ZNF438: variants seen among roughly 807,000 people sequenced by gnomAD.
The protein encoded by ZNF438 is zinc finger protein 438.
Under a neutral mutation model 38.0 loss-of-function variants are expected in ZNF438, and 25 were observed. The observed-to-expected ratio is 0.66, with a 90% CI of 0.48 to 0.92. The LOEUF is 0.92. Among genes scored for constraint, ZNF438 ranks in the 40% least tolerant of loss-of-function variants. The probability of loss-of-function intolerance (pLI) is 0.00; values close to 1 mark genes in which losing one functional copy is unlikely to be tolerated. For missense variants in ZNF438, 1,007 were observed against 999.6 expected (o/e 1.01, Z -0.10); for synonymous variants, 372 against 364.1 (o/e 1.02, Z -0.25).
At chr10:30,864,500 G>A (rs2036103217) in intron 4 of ZNF438, among the ~76,000 whole-genome samples, 1 of 152,156 alleles carries the variant, frequency 6.6e-6, no homozygotes, top group Non-Finnish European at 1.5e-5. Flanking sequence ...TTACCTTCAC[G>A]ATGATATTAC....
chr10:30,896,643 G>A (rs76712609), intron 3 of ZNF438, among the ~76,000 whole-genome samples: 8,516 of 152,064 alleles, frequency 0.056, 756 homozygotes, highest in African/African-American at 0.19. Flanking sequence ...GTTTCTGGGG[G>A]ATATGGGGTT....
intron 3 of ZNF438, among the ~76,000 whole-genome samples, chr10:30,891,419 A>C (rs2040674368): frequency 7.7e-6 from 1 of 129,732 alleles, no homozygotes; most frequent in African/African-American, 3.6e-5. Context: ...ATGTCTTATT[A>C]ATTCTGCCAT....
At position 30,857,504 on chromosome 10, in the gene ZNF438, C is replaced by T. The variant is rs185354678; in HGVS notation, c.38-7137G>A. Among the ~76,000 whole-genome samples, 66 of 152,286 alleles carry T rather than the reference C, an allele frequency of 4.3e-4. No individual in the cohort carries two copies. In the Middle Eastern group the frequency reaches 0.017, roughly 39 times the overall value. On this transcript the variant is annotated intron_variant, in intron 4 of 5. Coordinates refer to ENST00000413025, the Ensembl canonical transcript of ZNF438. ...TCCTGACCTAAAGTGATCCACCCGCCTTGGCCTCCCAAAGTGTTGGGATTA... is the reference window on the plus strand; with the variant it reads ...TCCTGACCTAAAGTGATCCACCCGCTTTGGCCTCCCAAAGTGTTGGGATTA...
At chr10:30,965,745 G>A (rs140104695) in intron 1 of ZNF438, among the ~76,000 whole-genome samples, 99 of 152,194 alleles carry the variant, frequency 6.5e-4, no homozygotes, top group Non-Finnish European at 1.1e-3. Flanking sequence ...AATAGACACC[G>A]GGGACTACTA....
At chr10:30,867,163 C>G (rs2036583902) in intron 4 of ZNF438, among the ~76,000 whole-genome samples, 1 of 152,148 alleles carries the variant, frequency 6.6e-6, no homozygotes, top group Admixed American at 6.5e-5. Flanking sequence ...CCCTTCCTTT[C>G]TGACTACTGG....
chr10:30,977,332 G>A (rs988354423), intron 1 of ZNF438, among the ~76,000 whole-genome samples: 6 of 152,184 alleles, frequency 3.9e-5, no homozygotes, highest in Non-Finnish European at 8.8e-5. Context: ...CTCAAAAGTA[G>A]CTCAAGTGAG....
At chr10:30,911,017 C>T (rs1041782762) in intron 2 of ZNF438, among the ~76,000 whole-genome samples, 16 of 152,000 alleles carry the variant, frequency 1.1e-4, no homozygotes, top group Non-Finnish European at 2.1e-4. Context: ...TATAATGTTT[C>T]GTTTATGATT....
chr10:30,862,537 C>A (rs2035757970), intron 4 of ZNF438, among the ~76,000 whole-genome samples: 1 of 152,110 alleles, frequency 6.6e-6, no homozygotes, highest in Non-Finnish European at 1.5e-5. Flanking sequence ...AACTCCTGGG[C>A]TCAAGAGGTC....
intron 3 of ZNF438, among the ~76,000 whole-genome samples, chr10:30,877,752 T>C (rs2038646657): frequency 6.6e-6 from 1 of 152,192 alleles, no homozygotes; most frequent in African/African-American, 2.4e-5. Flanking sequence ...TAATAAAATA[T>C]CTGAATAAGA....
intron 1 of ZNF438, among the ~76,000 whole-genome samples, chr10:30,957,512 T>C (rs879305869): frequency 2.6e-5 from 4 of 152,220 alleles, no homozygotes; most frequent in Admixed American, 6.5e-5. Context: ...AGTTTCATAG[T>C]CTGTCTTTAA....
At chr10:30,844,710 T>C (rs2031461476) in exon 6 of ZNF438, 1 of 404,828 alleles carries the variant, frequency 2.5e-6, no homozygotes, top group South Asian at 4.6e-5. Context: ...TCTTTTTATT[T>C]ATTCTGAAAG....
intron 1 of ZNF438, among the ~76,000 whole-genome samples, chr10:30,969,624 G>A (rs2050524538): frequency 1.3e-5 from 2 of 152,232 alleles, no homozygotes; most frequent in South Asian, 4.1e-4. Context: ...TTAGAATGTG[G>A]ACCCCGAAGT....
At chr10:30,992,766 A>G (rs1400712376) in intron 1 of ZNF438, among the ~76,000 whole-genome samples, 4 of 152,180 alleles carry the variant, frequency 2.6e-5, no homozygotes, top group Non-Finnish European at 4.4e-5. Context: ...TGATAGAAAT[A>G]TGTAAAGGTC....
chr10:30,845,289 G>A, exon 6 of ZNF438: 1 of 1,614,110 alleles, frequency 6.2e-7, no homozygotes, highest in Non-Finnish European at 8.5e-7. Flanking sequence ...ACATGCATGT[G>A]ATTCCTCGGA....
Position 30,959,766 on chromosome 10 carries a change from C to A in ZNF438, c.-191-18115G>T, listed in dbSNP as rs116689131. On this transcript the variant is annotated intron_variant, in intron 1 of 5. Coordinates refer to ENST00000413025, the Ensembl canonical transcript of ZNF438. ...CCGTCTCAATAAATAAATTTCTTCA[C>A]ACACACACACATACCTGATTCATTC... is the stretch of plus-strand genomic sequence containing the variant. Among the ~76,000 whole-genome samples the A allele has an allele frequency of 5.9e-3, 864 of 145,790 alleles. 39 individuals carry two copies. The highest frequency in any genetic ancestry group is 0.02 in the African/African-American group (827 of 40,974).
At chr10:30,965,597 T>C (rs1198191221) in intron 1 of ZNF438, among the ~76,000 whole-genome samples, 2 of 152,172 alleles carry the variant, frequency 1.3e-5, no homozygotes, top group African/African-American at 4.8e-5. Flanking sequence ...TAAAATCATG[T>C]CCTTGGCAGC....
At position 30,960,062 on chromosome 10, in the gene ZNF438, T is replaced by C. The variant is rs187670918; in HGVS notation, c.-191-18411A>G. Among the ~76,000 whole-genome samples the C allele has an allele frequency of 2.7e-5, 4 of 147,440 alleles. No individual in the cohort carries two copies. The East Asian group carries it at 7.7e-4, about 28-fold the overall frequency. On this transcript the variant is annotated intron_variant, in intron 1 of 5. Transcript: ENST00000413025. Reference sequence around the variant, plus strand: ...TGCTCACTGTGCTTACATGTGGCTATTAATCACTCTCATGTCTTTTCAGAT... The same window carrying C: ...TGCTCACTGTGCTTACATGTGGCTACTAATCACTCTCATGTCTTTTCAGAT...
intron 2 of ZNF438, chr10:30,919,429 C>G (rs2044031793): frequency 6.6e-6 from 1 of 152,090 alleles, no homozygotes; most frequent in Admixed American, 6.6e-5. Flanking sequence ...TTTGATTTTT[C>G]AAGGTTTATA....
intron 1 of ZNF438, among the ~76,000 whole-genome samples, chr10:30,975,357 CTT>C (rs1305989727): frequency 6.6e-6 from 1 of 152,290 alleles, no homozygotes; most frequent in Non-Finnish European, 1.5e-5. Context: ...GGAAAACAGT[CTT>C]AGAGACTCGA....
Sources: allele counts gnomAD v4.1 joint callset (sites outside exome capture counted in the v4.1 genomes callset), GRCh38; gene constraint gnomAD v4.1.1; transcripts MANE v1.5; gene names NCBI Gene and HGNC (gene_info 2026-07-23, HGNC 2026-07-21).